Variants in BBX observed in about 807,000 individuals in gnomAD.
The protein encoded by BBX is HMG box transcription factor BBX.
In BBX, 30 loss-of-function variants were observed where a neutral mutation model predicts 100.2. The observed-to-expected ratio is 0.30, with a 90% CI of 0.22 to 0.41. The LOEUF is 0.41. BBX is among the 10% of genes least tolerant of loss of function. The pLI, the probability that BBX is intolerant of heterozygous loss-of-function variation, is 1.00. For missense variants in BBX, 1,023 were observed against 1,129.8 expected, an observed-to-expected ratio of 0.91 and a Z score of 1.35; for synonymous variants, 376 against 388.1, an observed-to-expected ratio of 0.97 and a Z score of 0.37.
At chr3:107,787,380 A>G (rs2068544314) in intron 13 of BBX, among the ~76,000 whole-genome samples, 1 of 152,174 alleles carries the variant, frequency 6.6e-6, no homozygotes, top group Non-Finnish European at 1.5e-5. Context: ...AGCCTTGAAA[A>G]CATTATGCTA....
At chr3:107,648,965 A>G (rs1444428233) in intron 3 of BBX, among the ~76,000 whole-genome samples, 1 of 152,206 alleles carries the variant, frequency 6.6e-6, no homozygotes, top group Non-Finnish European at 1.5e-5. Context: ...TAATAAAGAC[A>G]TACCCAAGAC....
chr3:107,632,377 G>A (rs1057431990), intron 2 of BBX, among the ~76,000 whole-genome samples: 1 of 152,046 alleles, frequency 6.6e-6, no homozygotes, highest in Admixed American at 6.5e-5. Context: ...GAGCTACCAC[G>A]CCTGGCCTTA....
chr3:107,798,388 C>A, intron 15 of BBX, 135 bp from the exon 16 acceptor site: 1 of 771,770 alleles, frequency 1.3e-6, no homozygotes, highest in Non-Finnish European at 2.1e-6. Flanking sequence ...TTCATTTTTT[C>A]CATCAGTACT....
chr3:107,793,655 G>C (rs1209886141), intron 15 of BBX, among the ~76,000 whole-genome samples: 2 of 152,036 alleles, frequency 1.3e-5, no homozygotes, highest in African/African-American at 4.8e-5. Context: ...CAATAATATA[G>C]AATAATTTAA....
At chr3:107,659,676 C>T (rs1404624209) in intron 3 of BBX, 2 of 1,221,776 alleles carry the variant, frequency 1.6e-6, no homozygotes, top group Non-Finnish European at 2.1e-6. Context: ...AGGGTTTGTT[C>T]TCCTAACCAC....
intron 3 of BBX, among the ~76,000 whole-genome samples, chr3:107,671,071 T>A (rs115512825): frequency 0.022 from 3,385 of 151,544 alleles, 62 homozygotes; most frequent in Middle Eastern, 0.034. Context: ...TTGAGCATTT[T>A]AAAAAAATTT....
At chr3:107,761,416 A>C (rs2065892150) in intron 10 of BBX, among the ~76,000 whole-genome samples, 1 of 152,158 alleles carries the variant, frequency 6.6e-6, no homozygotes, top group African/African-American at 2.4e-5. Context: ...GCAGCTATGT[A>C]TGGAATGGAG....
At chr3:107,659,691 C>G in intron 3 of BBX, 1 of 1,266,264 alleles carries the variant, frequency 7.9e-7, no homozygotes, top group South Asian at 1.3e-5. Flanking sequence ...AACCACACCA[C>G]CACACTGCCT....
chr3:107,685,523 A>G (rs966820516), intron 3 of BBX, among the ~76,000 whole-genome samples: 2 of 152,170 alleles, frequency 1.3e-5, no homozygotes, highest in African/African-American at 2.4e-5. Context: ...CTCAGCCTTC[A>G]TTTTTCTTCA....
chr3:107,665,502 G>A (rs1415774336), intron 3 of BBX, among the ~76,000 whole-genome samples: 2 of 152,064 alleles, frequency 1.3e-5, no homozygotes, highest in African/African-American at 4.8e-5. Flanking sequence ...ACCTTACTGA[G>A]CTTTAGGCCC....
intron 13 of BBX, among the ~76,000 whole-genome samples, chr3:107,779,020 T>TATATATAC (rs1449263925): frequency 1.0e-5 from 1 of 95,814 alleles, no homozygotes; most frequent in African/African-American, 4.1e-5. Flanking sequence ...TATATATATA[T>TATATATAC]ACACACACAC....
chr3:107,805,183 GA>G (rs1165310536), intron 17 of BBX, among the ~76,000 whole-genome samples, 186 bp from the exon 18 acceptor site: 3 of 151,494 alleles, frequency 2.0e-5, no homozygotes, highest in African/African-American at 4.8e-5. Context: ...GGAGGAAGGG[GA>G]AAAAAAGGAT....
intron 2 of BBX, among the ~76,000 whole-genome samples, chr3:107,571,488 A>G (rs954574462): frequency 6.6e-6 from 1 of 152,178 alleles, no homozygotes; most frequent in African/African-American, 2.4e-5. Context: ...TTGGAAGGAC[A>G]GGGAGATTGA....
chr3:107,734,641 A>C (rs538093024), intron 7 of BBX, among the ~76,000 whole-genome samples: 1 of 152,306 alleles, frequency 6.6e-6, no homozygotes, highest in Non-Finnish European at 1.5e-5. Flanking sequence ...TTAAATTATC[A>C]TAGTGTTTCA....
At chr3:107,666,996 G>C (rs1025137871) in intron 3 of BBX, among the ~76,000 whole-genome samples, 9 of 152,334 alleles carry the variant, frequency 5.9e-5, no homozygotes, top group African/African-American at 7.2e-5. Context: ...CAGACTATCT[G>C]TGAGAATTCA....
At chr3:107,541,775 T>A (rs932344901) in intron 2 of BBX, among the ~76,000 whole-genome samples, 26 of 152,112 alleles carry the variant, frequency 1.7e-4, no homozygotes, top group African/African-American at 5.3e-4. Context: ...ATATTGTAAC[T>A]TGATATTAAC....
chr3:107,726,421 T>C (rs1257872782), intron 5 of BBX, among the ~76,000 whole-genome samples: 1 of 151,486 alleles, frequency 6.6e-6, no homozygotes, highest in African/African-American at 2.4e-5. Flanking sequence ...TGTGTTATTC[T>C]GTTCTCTATC....
At chr3:107,580,604 C>G (rs1243808229) in intron 2 of BBX, among the ~76,000 whole-genome samples, 3 of 150,828 alleles carry the variant, frequency 2.0e-5, no homozygotes, top group Non-Finnish European at 2.9e-5. Flanking sequence ...GGAAAACATC[C>G]TATGATTTTA....
rs2056773381 is a variant in BBX, at chr3:107,635,108, G to A, written c.-83-10728G>A. ...GATACCCAACTCTTGGGTTCCTTGT[G>A]ACTATTACCATCTATAAAAATAACT... On this transcript the variant is annotated intron_variant, in intron 2 of 17. Coordinates refer to ENST00000325805, the MANE Select transcript of BBX (RefSeq NM_001142568.3). Among the ~76,000 whole-genome samples the A allele has an allele frequency of 2.0e-5, 3 of 149,566 alleles. No individual in the cohort carries two copies. In the South Asian group the frequency reaches 6.6e-4, roughly 33 times the overall value.
Sources: gnomAD v4.1 joint callset for allele counts (sites outside exome capture counted in the v4.1 genomes callset) on GRCh38, gnomAD v4.1.1 for gene constraint, MANE v1.5 for transcripts, NCBI Gene and HGNC (gene_info 2026-07-23, HGNC 2026-07-21) for gene names.